The following ASIC3 variants were observed in gnomAD, a reference collection of about 807,000 sequenced individuals.
ASIC3 encodes the protein acid sensing ion channel subunit 3.
A neutral mutation model predicts 58.6 loss-of-function variants in ASIC3; 46 were observed. That is an observed-to-expected ratio of 0.79 (90% CI 0.62 to 1.00). The LOEUF (loss-of-function observed/expected upper bound fraction) is 1.00, where lower values mean the gene tolerates loss of function less well. ASIC3 is among the 50% of genes least tolerant of loss of function. The probability of loss-of-function intolerance (pLI) is 0.00; values close to 1 mark genes in which losing one functional copy is unlikely to be tolerated. For synonymous variants in ASIC3, 336 were observed against 300.2 expected (o/e 1.12, Z -1.23); for missense variants, 770 against 735.0 (o/e 1.05, Z -0.55).
At chr7:151,049,955 C>T (rs758707710) in intron 1 of ASIC3, 151 bp from the exon 2 acceptor site, 2 of 1,000,302 alleles carry the variant, frequency 2.0e-6, no homozygotes, top group Non-Finnish European at 3.0e-6. Context: ...CGTCCTGCAA[C>T]ATGTGCCCAC....
At chr7:151,051,121 C>T (rs1174174746) in intron 5 of ASIC3, 26 bp downstream of exon 5, 2 of 1,605,374 alleles carry the variant, frequency 1.2e-6, no homozygotes, top group African/African-American at 1.3e-5. Context: ...CCCCACCTCC[C>T]GTCCGCCCCG....
At chr7:151,050,710 G>A in intron 3 of ASIC3, 48 bp from the exon 4 acceptor site, 1 of 1,606,326 alleles carries the variant, frequency 6.2e-7, no homozygotes, top group Admixed American at 1.7e-5. Flanking sequence ...CTCCCCAGCT[G>A]GCCTCTCACG....
chr7:151,049,209 C>G lies in ASIC3; in HGVS notation c.324C>G (p.His108Gln). The G allele has an allele frequency of 1.2e-6, 2 of 1,613,062 alleles. No individual in the cohort carries two copies. Among genetic ancestry groups the G allele is most frequent in the South Asian group, 1.1e-5 (1 of 91,054 alleles). The change falls in exon 1 of 11, where the codon CAC becomes CAG. Residue 108 changes from histidine to glutamine, a missense_variant. By Grantham distance (24) the His-to-Gln change is conservative. Coordinates refer to ENST00000349064, the MANE Select transcript of ASIC3 (RefSeq NM_004769.4). ...CGCGCCTAACGCCCAACGACCTGCA[C>G]TGGGCTGGGTCTGCGCTGCTGGGCC... ...RRSRLTPNDL[H>Q]WAGSALLGLD...
chr7:151,052,714 A>G lies in ASIC3; in HGVS notation c.*62A>G, dbSNP rs770839572. ...TCCTGGACATGCCTAGCCTGCACGT[A>G]GCTTTTCCGTCTTCACCCCAAATAA... is the stretch of plus-strand genomic sequence containing the variant. On this transcript the variant is annotated 3_prime_UTR_variant, in exon 11 of 11. Transcript: ENST00000349064. This position sits in a 1 kb window ranked among gnomAD's most constrained non-coding sequence, Gnocchi z 5.0. 2 of 1,613,924 alleles carry G rather than the reference A, an allele frequency of 1.2e-6. No homozygotes were observed. Among genetic ancestry groups the G allele is most frequent in the African/African-American group, 2.7e-5 (2 of 74,908 alleles).
intron 1 of ASIC3, 64 bp from the exon 2 acceptor site, chr7:151,050,042 G>A (rs1218869884): frequency 6.2e-7 from 1 of 1,605,946 alleles, no homozygotes; most frequent in Admixed American, 1.7e-5. Flanking sequence ...ATGAGGTGGG[G>A]AGAGGTCCCA....
At chr7:151,050,060 G>A (rs772218549) in intron 1 of ASIC3, 46 bp from the exon 2 acceptor site, 29 of 1,612,798 alleles carry the variant, frequency 1.8e-5, no homozygotes, top group East Asian at 2.2e-5. Flanking sequence ...CCATGACCAT[G>A]TGCCTGCCTG....
rs1371835758 is a variant in ASIC3, at chr7:151,052,279, G to A, written c.1458+42G>A. 1.2e-6 allele frequency: 2 copies of A among 1,613,536 alleles called. No individual in the cohort carries two copies. Among genetic ancestry groups the A allele is most frequent in the Admixed American group, 1.7e-5 (1 of 59,984 alleles). On this transcript the variant is annotated intron_variant, in intron 9 of 10. Transcript: ENST00000349064. The surrounding 1 kb of genome is among the most constrained non-coding windows in gnomAD (Gnocchi z 5.0). ...TGGAGCCCTTGCCTGCTCCAAGGGT[G>A]CTAGGGCCCACCCCTGAAGCCTAGA...
In ASIC3 at chr7:151,051,264, C is replaced by T. The variant is rs921599598; in HGVS notation, c.1159C>T (p.Arg387Cys). ...KELSMVRIPS[R>C]AAARFLARKL... ...GCTCTCCATGGTGCGGATCCCGAGC[C>T]GCGCCGCCGCGCGCTTCCTGGCCCG... is the stretch of plus-strand genomic sequence containing the variant. Residue 387 changes from arginine (R) to cysteine (C), a missense_variant, in exon 6 of 11, where the codon CGC (arginine) becomes TGC (cysteine). Transcript: ENST00000349064. 1.1e-5 allele frequency: 17 copies of T among 1,530,580 alleles called. No homozygotes were observed. Among genetic ancestry groups the T allele is most frequent in the Admixed American group, 9.9e-5 (5 of 50,494 alleles). 94.8% of individuals were successfully genotyped at this position (1,530,580 alleles called of 1,614,324 possible).
chr7:151,050,033 T>G lies in ASIC3; in HGVS notation c.535-73T>G, dbSNP rs1478132565. On this transcript the variant is annotated intron_variant, in intron 1 of 10. Coordinates refer to ENST00000349064, the MANE Select transcript of ASIC3 (RefSeq NM_004769.4). ...TCAAAGAAGAGACGCAAACATACCA[T>G]GAGGTGGGGAGAGGTCCCATGACCA... 6.3e-6 allele frequency: 10 copies of G among 1,591,552 alleles called. No individual in the cohort carries two copies. In the East Asian group the frequency reaches 2.0e-4, roughly 32 times the overall value.
In ASIC3 at chr7:151,049,114, G is replaced by C. The variant is rs762786553; in HGVS notation, c.229G>C (p.Asp77His). ...YREFHHQTAL[D>H]ERESHRLIFP... is the part of the protein sequence containing the mutation. ...GGAGTTCCACCACCAGACTGCCCTG[G>C]ATGAGCGAGAAAGCCACCGGCTCAT... is the stretch of plus-strand genomic sequence containing the variant. The change falls in exon 1 of 11, where the codon GAT becomes CAT. Residue 77 changes from aspartate (D) to histidine (H), a missense_variant. Transcript: ENST00000349064. 22 of 1,613,904 alleles carry C rather than the reference G, an allele frequency of 1.4e-5. No individual in the cohort carries two copies. The highest frequency in any genetic ancestry group is 1.9e-5 in the Non-Finnish European group (22 of 1,179,922).
At position 151,048,728 on chromosome 7, in the gene ASIC3, A is replaced by C. The variant is rs1584965029; in HGVS notation, c.-158A>C. ...TCACCTCCTCCAATCCTGCCAGGCT[A>C]GTGCCTCCCTGCCTTCCAACCTTGG... On this transcript the variant is annotated 5_prime_UTR_variant, in exon 1 of 11. Transcript: ENST00000349064. The C allele has an allele frequency of 4.7e-6, 4 of 853,820 alleles. No individual in the cohort carries two copies. The East Asian group carries it at 9.9e-5, about 21-fold the overall frequency. The allele number at this position is 853,820 out of a possible 1,614,324, so 52.9% of individuals were successfully genotyped here. A position where few individuals can be genotyped will look rare whatever the true frequency, so the allele number is the denominator to read the frequency against.
chr7:151,051,380 G>A (rs1445952581), intron 6 of ASIC3, 61 bp downstream of exon 6: 5 of 1,419,764 alleles, frequency 3.5e-6, no homozygotes, highest in African/African-American at 1.5e-5. Flanking sequence ...GGCGGAACGG[G>A]GCAGGCCAGG....
chr7:151,049,033 G>C lies in ASIC3; in HGVS notation c.148G>C (p.Val50Leu). The C allele has an allele frequency of 1.9e-6, 3 of 1,613,698 alleles. No individual in the cohort carries two copies. Among genetic ancestry groups the C allele is most frequent in the Non-Finnish European group, 2.5e-6 (3 of 1,179,876 alleles). Reference sequence around the variant, plus strand: ...CCGGGGGATGTGGGCAGCGGCCGTGGTCCTGTCAGTGGCCACCTTCCTCTA... The same window carrying C: ...CCGGGGGATGTGGGCAGCGGCCGTGCTCCTGTCAGTGGCCACCTTCCTCTA... ...LRRGMWAAAV[V>L]LSVATFLYQV... The change falls in exon 1 of 11, where the codon GTC becomes CTC. Residue 50 changes from valine to leucine, a missense_variant. Physicochemically the swap from Val to Leu is conservative, Grantham distance 32 (BLOSUM62 1). Transcript: ENST00000349064.
Position 151,051,063 on chromosome 7 carries a change from A to G in ASIC3, c.1034A>G (p.Gln345Arg). 4 of 1,613,212 alleles carry G rather than the reference A, an allele frequency of 2.5e-6. No individual in the cohort carries two copies. The highest frequency in any genetic ancestry group is 2.5e-6 in the Non-Finnish European group (3 of 1,179,978). Residue 345 changes from glutamine to arginine, a missense_variant, in exon 5 of 11, where the codon CAG (glutamine) becomes CGG (arginine). Coordinates refer to ENST00000349064, the MANE Select transcript of ASIC3 (RefSeq NM_004769.4). ...GGCGACGTGCCAGTGTGCAGCCCCC[A>G]GCAGTACAAGAACTGTGCCCACCCG... The part of the protein sequence containing the change: ...MPGDVPVCSP[Q>R]QYKNCAHPAI...
chr7:151,050,560 G>C lies in ASIC3; in HGVS notation c.765G>C (p.Leu255Phe). ...EEPPIIDQLG[L>F]GVSPGYQTFV... The stretch of plus-strand genomic sequence containing the variant: ...CGCCCATCATCGATCAGCTGGGCTT[G>C]GGGGTGTCCCCGGGCTACCAGACCT... The change falls in exon 3 of 11, where the codon TTG (leucine) becomes TTC (phenylalanine). Residue 255 changes from leucine (L) to phenylalanine (F), a missense_variant. By Grantham distance (22) the Leu-to-Phe change is conservative (BLOSUM62 0). Transcript: ENST00000349064. 1 of 1,613,970 alleles carries C rather than the reference G, an allele frequency of 6.2e-7. No individual in the cohort carries two copies.
intron 6 of ASIC3, 139 bp downstream of exon 6, chr7:151,051,458 T>A (rs2150359530): frequency 8.8e-7 from 1 of 1,141,230 alleles, no homozygotes; most frequent in South Asian, 1.8e-5. Flanking sequence ...TGGGGCTCCG[T>A]GCTGGTTGCT....
At position 151,052,570 on chromosome 7, in the gene ASIC3, GA is replaced by G. The variant is rs762484218; in HGVS notation, c.1518-2del. Reference sequence around the variant, plus strand: ...CCACCCCAGCACTCTGCTCTGTTCCGAAGACCTCCCACCCCTCCCTGTGCCG... The same window carrying G: ...CCACCCCAGCACTCTGCTCTGTTCCGAGACCTCCCACCCCTCCCTGTGCCG... On this transcript the variant is annotated splice_region_variant and splice_polypyrimidine_tract_variant and intron_variant, in intron 10 of 10. Coordinates refer to ENST00000349064, the MANE Select transcript of ASIC3 (RefSeq NM_004769.4). This position sits in a 1 kb window ranked among gnomAD's most constrained non-coding sequence, Gnocchi z 5.0. 6.2e-7 allele frequency: 1 copy of G among 1,613,686 alleles called. No individual in the cohort carries two copies. Among genetic ancestry groups the G allele is most frequent in the Non-Finnish European group, 8.5e-7 (1 of 1,179,838 alleles).
rs1277948689 is a variant in ASIC3, at chr7:151,049,308, T to C, written c.423T>C (p.Ser141=). The C allele has an allele frequency of 1.5e-5, 25 of 1,612,986 alleles. No individual in the cohort carries two copies. The highest frequency in any genetic ancestry group is 1.9e-5 in the Non-Finnish European group (23 of 1,179,968). The change falls in exon 1 of 11, where the codon AGT becomes AGC. Residue 141 remains serine, a synonymous_variant. Coordinates refer to ENST00000349064, the MANE Select transcript of ASIC3 (RefSeq NM_004769.4). ...RPPAPPGFMP[S]PTFDMAQLYA... is the part of the protein sequence containing the mutation. The stretch of plus-strand genomic sequence containing the variant: ...CTGCACCGCCCGGCTTCATGCCCAG[T>C]CCCACCTTTGACATGGCGCAACTCT...
intron 1 of ASIC3, 117 bp downstream of exon 1, chr7:151,049,536 T>G (rs1796716908): frequency 3.1e-6 from 4 of 1,289,904 alleles, no homozygotes; most frequent in Admixed American, 2.6e-5. Flanking sequence ...ACCTCTTCCT[T>G]CCTACCAGCC....
Sources: gnomAD v4.1 joint callset for allele counts on GRCh38, gnomAD v4.1.1 for gene constraint, Gnocchi (gnomAD v3.1) non-coding constraint, MANE v1.5 for transcripts, NCBI Gene and HGNC (gene_info 2026-07-23, HGNC 2026-07-21) for gene names.